Variants in IL1RAPL2 observed in about 807,000 individuals in gnomAD.
The protein encoded by IL1RAPL2 is X-linked interleukin-1 receptor accessory protein-like 2.
A neutral mutation model predicts 44.1 loss-of-function variants in IL1RAPL2; 3 were observed. That is an observed-to-expected ratio of 0.07 (90% CI 0.03 to 0.18). IL1RAPL2 has a LOEUF of 0.18. Ranked by LOEUF, IL1RAPL2 falls within the 10% of genes least tolerant of loss-of-function variation. The pLI is 1.00. For synonymous variants in IL1RAPL2, 181 were observed against 178.8 expected, an observed-to-expected ratio of 1.01 and a Z score of -0.10; for missense variants, 391 against 496.4, an observed-to-expected ratio of 0.79 and a Z score of 2.02.
chrX:104,918,594 T>G (rs1602819140), intron 2 of IL1RAPL2, among the ~76,000 whole-genome samples: 1 of 112,357 alleles, frequency 8.9e-6, no homozygotes, highest in East Asian at 2.8e-4. Flanking sequence ...CCTATGGTCT[T>G]AACTTCTGTT....
chrX:105,586,276 A>G (rs761542830), intron 6 of IL1RAPL2, among the ~76,000 whole-genome samples: 2 of 112,263 alleles, frequency 1.8e-5, no homozygotes, highest in South Asian at 3.7e-4. Flanking sequence ...CATTAGAGAA[A>G]TGCAAATATA....
At chrX:105,315,800 T>C (rs969261033) in intron 5 of IL1RAPL2, among the ~76,000 whole-genome samples, 17 of 103,413 alleles carry the variant, frequency 1.6e-4, no homozygotes, top group Non-Finnish European at 5.9e-5. Context: ...TAATTTGTGA[T>C]TGAAGGATGC....
intron 2 of IL1RAPL2, among the ~76,000 whole-genome samples, chrX:105,012,637 TCTCTCTCTCA>T (rs1398756875): frequency 2.5e-4 from 18 of 71,868 alleles, no homozygotes; most frequent in African/African-American, 8.6e-4. Flanking sequence ...TCTCTCTCTC[TCTCTCTCTCA>T]CACACACACA....
chrX:104,630,629 C>G (rs1268817876), intron 1 of IL1RAPL2, among the ~76,000 whole-genome samples: 1 of 110,727 alleles, frequency 9.0e-6, no homozygotes, highest in Non-Finnish European at 1.9e-5. Flanking sequence ...ATTGCTGTGG[C>G]TATTCAGGCC....
intron 2 of IL1RAPL2, among the ~76,000 whole-genome samples, chrX:104,712,583 T>A (rs986469227): frequency 1.8e-5 from 2 of 111,137 alleles, no homozygotes; most frequent in Non-Finnish European, 3.8e-5. Context: ...TAAATAAATA[T>A]ACATTTGAGA....
At chrX:104,752,645 A>G (rs758582919) in intron 2 of IL1RAPL2, among the ~76,000 whole-genome samples, 13 of 110,603 alleles carry the variant, frequency 1.2e-4, no homozygotes, top group African/African-American at 1.3e-4. Flanking sequence ...TAGGTATACT[A>G]TGGGCCTTTG....
Position 105,440,179 on chromosome X carries a change from G to T in IL1RAPL2, c.698-44134G>T, listed in dbSNP as rs956096526. Among the ~76,000 whole-genome samples, 5 of 111,908 alleles carry T rather than the reference G, an allele frequency of 4.5e-5. 1 individual carries two copies. In the South Asian group the frequency reaches 1.9e-3, roughly 42 times the overall value. On this transcript the variant is annotated intron_variant, in intron 5 of 10. Coordinates refer to ENST00000372582, the MANE Select transcript of IL1RAPL2 (RefSeq NM_017416.2). Reference sequence around the variant, plus strand: ...TTAGTCACTTCATCCAATGAAAAATGGAGATGTTTGACTTAGTGACAGATG... The same window carrying T: ...TTAGTCACTTCATCCAATGAAAAATTGAGATGTTTGACTTAGTGACAGATG...
chrX:105,661,025 T>C (rs757602388), intron 6 of IL1RAPL2, among the ~76,000 whole-genome samples: 1 of 111,229 alleles, frequency 9.0e-6, no homozygotes, highest in Admixed American at 9.5e-5. Flanking sequence ...TCCAGTGATA[T>C]ATTGCCTACA....
chrX:105,037,379 T>C (rs992005071), intron 2 of IL1RAPL2, among the ~76,000 whole-genome samples: 1 of 109,866 alleles, frequency 9.1e-6, no homozygotes, highest in African/African-American at 3.4e-5. Context: ...ACGGAAAAGA[T>C]AGAAAAAGGG....
chrX:104,635,390 G>A (rs1929772699), intron 1 of IL1RAPL2, among the ~76,000 whole-genome samples: 1 of 110,924 alleles, frequency 9.0e-6, no homozygotes, highest in African/African-American at 3.3e-5. Flanking sequence ...ACGTTGGCCT[G>A]CCTTGCTAGA....
intron 2 of IL1RAPL2, among the ~76,000 whole-genome samples, chrX:105,080,188 T>G (rs1012894581): frequency 1.8e-5 from 2 of 112,351 alleles, no homozygotes; most frequent in African/African-American, 6.5e-5. Context: ...ACTCTGATGA[T>G]AGTTTCTTTT....
chrX:105,372,600 T>G (rs2035351319), intron 5 of IL1RAPL2, among the ~76,000 whole-genome samples: 1 of 111,138 alleles, frequency 9.0e-6, no homozygotes, highest in African/African-American at 3.3e-5. Context: ...TAATATCCAT[T>G]GGTCATTTTT....
chrX:105,512,254 A>G (rs1381729657), intron 6 of IL1RAPL2, among the ~76,000 whole-genome samples: 1 of 111,707 alleles, frequency 9.0e-6, no homozygotes, highest in East Asian at 2.8e-4. Flanking sequence ...AACTCTGGTC[A>G]GTGGTGAGAA....
At chrX:105,413,429 G>A (rs938668635) in intron 5 of IL1RAPL2, among the ~76,000 whole-genome samples, 1 of 111,516 alleles carries the variant, frequency 9.0e-6, no homozygotes, top group African/African-American at 3.3e-5. Flanking sequence ...GACAGAATCA[G>A]AGAGATGACA....
intron 6 of IL1RAPL2, among the ~76,000 whole-genome samples, chrX:105,538,128 C>T (rs1197916945): frequency 9.5e-6 from 1 of 105,184 alleles, no homozygotes; most frequent in African/African-American, 3.5e-5. Flanking sequence ...GCTCCGCCTC[C>T]TGGGTTCACG....
intron 5 of IL1RAPL2, among the ~76,000 whole-genome samples, chrX:105,307,044 G>A (rs761275189): frequency 7.3e-5 from 8 of 109,724 alleles, no homozygotes; most frequent in South Asian, 3.9e-4. Context: ...GAGGGTGAGC[G>A]CGAGTGTGAG....
intron 2 of IL1RAPL2, among the ~76,000 whole-genome samples, chrX:105,162,280 T>C (rs2033332873): frequency 8.9e-6 from 1 of 111,991 alleles, no homozygotes; most frequent in African/African-American, 3.2e-5. Context: ...CAAAAAGCCA[T>C]GGGAAAGTGC....
intron 1 of IL1RAPL2, among the ~76,000 whole-genome samples, chrX:104,628,439 T>C (rs1490482271): frequency 9.0e-6 from 1 of 111,471 alleles, no homozygotes; most frequent in African/African-American, 3.3e-5. Context: ...AGTGAGGACA[T>C]GCAATGTTTG....
intron 2 of IL1RAPL2, among the ~76,000 whole-genome samples, chrX:105,131,571 A>G (rs1437871771): frequency 1.8e-5 from 2 of 109,340 alleles, no homozygotes; most frequent in Non-Finnish European, 1.9e-5. Flanking sequence ...AGAAACAGGC[A>G]GCATACTGGA....
Sources: allele counts gnomAD v4.1 joint callset (sites outside exome capture counted in the v4.1 genomes callset), GRCh38; gene constraint gnomAD v4.1.1; transcripts MANE v1.5; gene names NCBI Gene and HGNC (gene_info 2026-07-23, HGNC 2026-07-21).